Variants in PARD3 observed in about 807,000 individuals in gnomAD.
The protein encoded by PARD3 is partitioning defective 3 homolog.
Under a neutral mutation model 155.4 loss-of-function variants are expected in PARD3, and 75 were observed. That is an observed-to-expected ratio of 0.48 (90% CI 0.40 to 0.58). The LOEUF is 0.58. PARD3 is among the 20% of genes least tolerant of loss of function. PARD3 has a pLI of 0.00. For missense variants in PARD3, 1,642 were observed against 1,721.7 expected (o/e 0.95, Z 0.82); for synonymous variants, 576 against 610.5 (o/e 0.94, Z 0.83).
chr10:34,286,534 C>T (rs1956399987), intron 20 of PARD3, among the ~76,000 whole-genome samples: 1 of 152,202 alleles, frequency 6.6e-6, no homozygotes, highest in Non-Finnish European at 1.5e-5. Flanking sequence ...GGCAGAGGAG[C>T]AGGCAAGTGC....
intron 20 of PARD3, among the ~76,000 whole-genome samples, chr10:34,288,469 G>GA (rs952833128): frequency 4.0e-5 from 6 of 151,332 alleles, no homozygotes; most frequent in East Asian, 1.9e-4. Flanking sequence ...ATGTAAAAAA[G>GA]AAAAAAAAGT....
chr10:34,597,892 A>G (rs901253754), intron 2 of PARD3, among the ~76,000 whole-genome samples: 1 of 152,192 alleles, frequency 6.6e-6, no homozygotes, highest in Non-Finnish European at 1.5e-5. Flanking sequence ...GTTGAAAGAA[A>G]AGCGGATTCT....
intron 3 of PARD3, among the ~76,000 whole-genome samples, chr10:34,485,918 G>GTTTTTT (rs66906403): frequency 6.3e-5 from 6 of 95,792 alleles, no homozygotes; most frequent in East Asian, 2.7e-4. Flanking sequence ...AACGTTTTGG[G>GTTTTTT]TTTTTTTTTT....
intron 24 of PARD3, among the ~76,000 whole-genome samples, chr10:34,116,930 G>A (rs1394171075): frequency 6.6e-6 from 1 of 152,232 alleles, no homozygotes; most frequent in African/African-American, 2.4e-5. Context: ...GGGAAGAGAT[G>A]TCGGGGCTCA....
intron 2 of PARD3, among the ~76,000 whole-genome samples, chr10:34,569,795 A>G (rs1033543535): frequency 6.6e-6 from 1 of 152,036 alleles, no homozygotes; most frequent in Non-Finnish European, 1.5e-5. Flanking sequence ...TTTTGAAAAA[A>G]TCTAACCTCA....
At chr10:34,506,618 G>A (rs1358865998) in intron 3 of PARD3, among the ~76,000 whole-genome samples, 2 of 152,144 alleles carry the variant, frequency 1.3e-5, no homozygotes, top group African/African-American at 4.8e-5. Context: ...CAAGTCCACA[G>A]ATGAAATGTT....
intron 10 of PARD3, among the ~76,000 whole-genome samples, chr10:34,375,948 C>G (rs545178504): frequency 1.3e-5 from 2 of 152,268 alleles, no homozygotes; most frequent in East Asian, 3.9e-4. Flanking sequence ...ATAAAACAAG[C>G]TACGACTGCA....
intron 19 of PARD3, 38 bp downstream of exon 19, chr10:34,331,079 A>G (rs2134231144): frequency 1.3e-6 from 2 of 1,523,016 alleles, no homozygotes; most frequent in Non-Finnish European, 1.8e-6. Context: ...AATAGAGTCT[A>G]ATTTTAATTA....
chr10:34,152,776 CA>C (rs35336956), intron 22 of PARD3, among the ~76,000 whole-genome samples: 36,977 of 152,078 alleles, frequency 0.24, 4,821 homozygotes, highest in Middle Eastern at 0.39. Flanking sequence ...CCCATGCAGA[CA>C]ACTGGCCGTA....
intron 2 of PARD3, among the ~76,000 whole-genome samples, chr10:34,548,007 T>C (rs921398003): frequency 6.6e-6 from 1 of 152,220 alleles, no homozygotes; most frequent in East Asian, 1.9e-4. Context: ...GCCACTCATC[T>C]TCTACTGATC....
rs1403767371 is a variant in PARD3, at chr10:34,814,974, C to G, written c.22G>C (p.Gly8Arg). 2 of 1,544,404 alleles carry G rather than the reference C, an allele frequency of 1.3e-6. No homozygotes were observed. Among genetic ancestry groups the G allele is most frequent in the Non-Finnish European group, 1.7e-6 (2 of 1,146,972 alleles). ...CACGGCACGACCACCCGGGTCCGTC[C>G]GAAGCACACGGTCACTTTCATGCCG... MKVTVCF[G>R]RTRVVVPCGD... is the part of the protein sequence containing the mutation. Residue 8 changes from glycine to arginine, a missense_variant, in exon 1 of 25, where the codon GGA (glycine) becomes CGA (arginine). Around this residue, in one of 3 missense-constraint regions of PARD3, gnomAD observed 75 missense variants for 65.3 expected, o/e 1.15. Transcript: ENST00000374788.
chr10:34,400,168 A>G (rs1843733387), intron 6 of PARD3, among the ~76,000 whole-genome samples: 1 of 152,206 alleles, frequency 6.6e-6, no homozygotes, highest in South Asian at 2.1e-4. Flanking sequence ...TTAGAAAGGG[A>G]GTCTTGCTGT....
At chr10:34,592,255 G>A (rs2088772222) in intron 2 of PARD3, among the ~76,000 whole-genome samples, 1 of 152,148 alleles carries the variant, frequency 6.6e-6, no homozygotes, top group Non-Finnish European at 1.5e-5. Flanking sequence ...AACACATACT[G>A]ATGTAATAAA....
At chr10:34,294,837 A>G (rs1040842472) in intron 20 of PARD3, among the ~76,000 whole-genome samples, 8 of 152,174 alleles carry the variant, frequency 5.3e-5, no homozygotes, top group African/African-American at 1.7e-4. Context: ...CTTTTGAAGA[A>G]AAAGGGACTA....
At chr10:34,578,324 C>T (rs562117967) in intron 2 of PARD3, among the ~76,000 whole-genome samples, 4 of 152,214 alleles carry the variant, frequency 2.6e-5, no homozygotes, top group East Asian at 1.9e-4. Flanking sequence ...ACCAAGCATG[C>T]GAGCGTTGTT....
intron 1 of PARD3, among the ~76,000 whole-genome samples, chr10:34,778,850 C>T (rs1348980761): frequency 6.6e-6 from 1 of 152,182 alleles, no homozygotes; most frequent in Non-Finnish European, 1.5e-5. Flanking sequence ...CCTATCGTTT[C>T]CTTAACATGA....
intron 1 of PARD3, among the ~76,000 whole-genome samples, chr10:34,724,064 C>T (rs1271718126): frequency 6.6e-6 from 1 of 152,186 alleles, no homozygotes; most frequent in African/African-American, 2.4e-5. Flanking sequence ...ATCATTAAAG[C>T]AAGAACACAT....
intron 2 of PARD3, among the ~76,000 whole-genome samples, chr10:34,576,135 C>A (rs185732777): frequency 6.6e-6 from 1 of 152,170 alleles, no homozygotes; most frequent in African/African-American, 2.4e-5. Flanking sequence ...AGCCCTCCCC[C>A]ACAAAGTCTC....
chr10:34,805,985 A>C (rs1843334256), intron 1 of PARD3, among the ~76,000 whole-genome samples: 1 of 149,596 alleles, frequency 6.7e-6, no homozygotes, highest in Non-Finnish European at 1.5e-5. Flanking sequence ...TCAAAAAGAC[A>C]AAAAAAAAGG....
Sources: allele counts gnomAD v4.1 joint callset (sites outside exome capture counted in the v4.1 genomes callset), GRCh38; gene constraint gnomAD v4.1.1; regional missense constraint gnomAD v4.1.1; transcripts MANE v1.5; gene names NCBI Gene and HGNC (gene_info 2026-07-23, HGNC 2026-07-21).